Variants in COA1 observed in about 807,000 individuals in gnomAD.
COA1 encodes the protein cytochrome c oxidase assembly factor 1.
In COA1, 13 loss-of-function variants were observed where a neutral mutation model predicts 16.0. The ratio of observed to expected loss-of-function variants is 0.81; its 90% CI spans 0.53 to 1.29. COA1 has a LOEUF of 1.29. Ranked by LOEUF, COA1 falls within the 50% of genes most tolerant of loss-of-function variation. The probability of loss-of-function intolerance (pLI) is 0.00; values close to 1 mark genes in which losing one functional copy is unlikely to be tolerated. For synonymous variants in COA1, 65 were observed against 65.7 expected, an observed-to-expected ratio of 0.99 and a Z score of 0.05; for missense variants, 179 against 177.0, an observed-to-expected ratio of 1.01 and a Z score of -0.06.
intron 1 of COA1, among the ~76,000 whole-genome samples, chr7:43,661,350 T>A (rs1232831084): frequency 6.6e-6 from 1 of 152,056 alleles, no homozygotes; most frequent in Non-Finnish European, 1.5e-5. Flanking sequence ...AAACAGACCT[T>A]TCCAGGCCGG....
chr7:43,661,525 C>T (rs2092425663), intron 1 of COA1, among the ~76,000 whole-genome samples: 1 of 151,868 alleles, frequency 6.6e-6, no homozygotes, highest in Admixed American at 6.6e-5. Flanking sequence ...GTCCCAGCTA[C>T]TGGGGAGGCT....
intron 1 of COA1, among the ~76,000 whole-genome samples, chr7:43,724,756 A>G (rs2095579713): frequency 6.6e-6 from 1 of 152,268 alleles, no homozygotes; most frequent in Admixed American, 6.5e-5. Flanking sequence ...ATGCCACAAC[A>G]TGAATTAACC....
At position 43,633,245 on chromosome 7, in the gene COA1, G is replaced by A. The variant is rs897828636; in HGVS notation, c.*133+6204C>T. ...TCTCCATCAGCACTTGCTGCGTCAC[G>A]TTGTACTTTTATGGAGATGGCTTCT... On this transcript the variant is annotated intron_variant and NMD_transcript_variant, in intron 6 of 6. Coordinates refer to the COA1 transcript ENST00000415076. The A allele has an allele frequency of 9.2e-5, 14 of 152,218 alleles. 1 individual carries two copies. Among genetic ancestry groups the A allele is most frequent in the African/African-American group, 2.9e-4 (12 of 41,442 alleles). The allele number at this position is 152,218 out of a possible 1,614,324, so 9.4% of individuals were successfully genotyped here. A position where few individuals can be genotyped will look rare whatever the true frequency, so the allele number is the denominator to read the frequency against.
intron 1 of COA1, chr7:43,656,082 G>A (rs1044921762): frequency 6.6e-6 from 1 of 152,176 alleles, no homozygotes; most frequent in African/African-American, 2.4e-5. Flanking sequence ...TAGTTTAAGT[G>A]GGCTACCAGA....
intron 1 of COA1, among the ~76,000 whole-genome samples, chr7:43,652,886 G>T (rs754601200): frequency 1.3e-4 from 20 of 151,512 alleles, no homozygotes; most frequent in Non-Finnish European, 2.2e-4. Flanking sequence ...GGGAGGGGGT[G>T]GGGGGACAGT....
chr7:43,673,629 A>C (rs2093374516), intron 1 of COA1, among the ~76,000 whole-genome samples: 1 of 152,218 alleles, frequency 6.6e-6, no homozygotes, highest in Non-Finnish European at 1.5e-5. Flanking sequence ...TTGACCCAGC[A>C]ATCTCATTAT....
At chr7:43,705,472 T>TGAGGCTGTGCTGCAAGCA (rs1277217566) in intron 1 of COA1, among the ~76,000 whole-genome samples, 1 of 152,212 alleles carries the variant, frequency 6.6e-6, no homozygotes, top group Non-Finnish European at 1.5e-5. Flanking sequence ...GCTGGCAAGC[T>TGAGGCTGTGCTGCAAGCA]GAGGCTGTGC....
chr7:43,647,473 G>A (rs754114618), intron 3 of COA1, 62 bp downstream of exon 3: 1 of 1,039,084 alleles, frequency 9.6e-7, no homozygotes, highest in South Asian at 1.3e-5. Context: ...TATTTCCTCT[G>A]ATGGAGGAGC....
intron 6 of COA1, among the ~76,000 whole-genome samples, chr7:43,615,489 T>C (rs2152993183): frequency 6.8e-6 from 1 of 146,250 alleles, no homozygotes; most frequent in Non-Finnish European, 1.6e-5. Context: ...TTTGTTGTAC[T>C]ATAGTATTTT....
intron 6 of COA1, among the ~76,000 whole-genome samples, chr7:43,611,454 AT>A (rs1465316037): frequency 6.6e-6 from 1 of 152,206 alleles, no homozygotes; most frequent in Non-Finnish European, 1.5e-5. Context: ...AAGTATGGAC[AT>A]GTGCACACCC....
At chr7:43,627,060 A>G (rs1171985847) in intron 6 of COA1, among the ~76,000 whole-genome samples, 1 of 152,196 alleles carries the variant, frequency 6.6e-6, no homozygotes, top group Non-Finnish European at 1.5e-5. Context: ...CTTTTTTTCT[A>G]TCACCAAATT....
chr7:43,710,222 T>C (rs1194808681), intron 1 of COA1, among the ~76,000 whole-genome samples: 1 of 150,722 alleles, frequency 6.6e-6, no homozygotes, highest in East Asian at 1.9e-4. Context: ...TTGTGGCACA[T>C]GCCTTAATCC....
At chr7:43,660,348 G>C (rs1279049329) in intron 1 of COA1, among the ~76,000 whole-genome samples, 1 of 152,012 alleles carries the variant, frequency 6.6e-6, no homozygotes. Flanking sequence ...CTCCACACCA[G>C]GTCTCCCCTT....
At chr7:43,667,024 T>C (rs1563312128) in intron 1 of COA1, among the ~76,000 whole-genome samples, 1 of 152,208 alleles carries the variant, frequency 6.6e-6, no homozygotes, top group African/African-American at 2.4e-5. Flanking sequence ...AAATTGGTTA[T>C]GATTAGAAGC....
downstream of COA1, among the ~76,000 whole-genome samples, chr7:43,636,464 A>T (rs774908995): frequency 6.6e-6 from 1 of 152,192 alleles, no homozygotes; most frequent in Non-Finnish European, 1.5e-5. Context: ...TATTTTTCAG[A>T]TGGACAAACT....
chr7:43,617,227 G>A (rs1440306094), intron 6 of COA1, among the ~76,000 whole-genome samples: 2 of 152,172 alleles, frequency 1.3e-5, no homozygotes, highest in Non-Finnish European at 2.9e-5. Context: ...GAAGGAGTTT[G>A]GAGGTTACCT....
chr7:43,728,115 C>T (rs1397058685), intron 1 of COA1, among the ~76,000 whole-genome samples: 1 of 152,100 alleles, frequency 6.6e-6, no homozygotes, highest in African/African-American at 2.4e-5. Flanking sequence ...GCTGGGACTA[C>T]AGGCTCCCGC....
At chr7:43,639,159 A>C (rs1482602197), downstream of COA1, 1 of 152,978 alleles carries the variant, frequency 6.5e-6, no homozygotes, top group Non-Finnish European at 1.5e-5. Context: ...AATTTAGAAA[A>C]AATCCCTTCA....
intron 1 of COA1, among the ~76,000 whole-genome samples, chr7:43,658,457 A>C (rs1220421478): frequency 6.6e-6 from 1 of 152,238 alleles, no homozygotes; most frequent in Non-Finnish European, 1.5e-5. Context: ...TATAACATAA[A>C]CACCTGATAA....
Sources: gnomAD v4.1 joint callset for allele counts (sites outside exome capture counted in the v4.1 genomes callset) on GRCh38, gnomAD v4.1.1 for gene constraint, MANE v1.5 for transcripts, NCBI Gene and HGNC (gene_info 2026-07-23, HGNC 2026-07-21) for gene names.